The following SCAMP1 variants were observed in gnomAD, a reference collection of about 807,000 sequenced individuals.
SCAMP1 encodes secretory carrier membrane protein 1, also known as secretory carrier-associated membrane protein 1.
Under a neutral mutation model 41.8 loss-of-function variants are expected in SCAMP1, and 15 were observed. The ratio of observed to expected loss-of-function variants is 0.36; its 90% CI spans 0.24 to 0.55. The LOEUF (loss-of-function observed/expected upper bound fraction) is 0.55. Ranked by LOEUF, SCAMP1 falls within the 20% of genes least tolerant of loss-of-function variation. SCAMP1 has a pLI of 0.86. For missense variants in SCAMP1, 341 were observed against 412.6 expected, an observed-to-expected ratio of 0.83 and a Z score of 1.50; for synonymous variants, 135 against 136.8, an observed-to-expected ratio of 0.99 and a Z score of 0.09.
At chr5:78,471,077 G>A (rs1044747163) in intron 8 of SCAMP1, among the ~76,000 whole-genome samples, 1 of 152,104 alleles carries the variant, frequency 6.6e-6, no homozygotes. Flanking sequence ...GTCTTTTAGG[G>A]GGTGTAACAA....
chr5:78,402,673 G>A (rs1169513578), intron 2 of SCAMP1, among the ~76,000 whole-genome samples: 2 of 152,028 alleles, frequency 1.3e-5, no homozygotes, highest in Non-Finnish European at 2.9e-5. Flanking sequence ...TAATCCATAT[G>A]TTTATTTATA....
intron 2 of SCAMP1, among the ~76,000 whole-genome samples, chr5:78,391,724 A>G (rs1413782763): frequency 6.6e-6 from 1 of 152,224 alleles, no homozygotes; most frequent in African/African-American, 2.4e-5. Flanking sequence ...GCCATTGAGC[A>G]CTGAGTGAAC....
intron 8 of SCAMP1, among the ~76,000 whole-genome samples, chr5:78,470,352 C>G (rs1753857181): frequency 6.6e-6 from 1 of 152,108 alleles, no homozygotes; most frequent in Admixed American, 6.6e-5. Context: ...TATTCTCAGC[C>G]TCTGGCAGCC....
chr5:78,383,935 G>C (rs893533530), intron 1 of SCAMP1, among the ~76,000 whole-genome samples: 4 of 152,080 alleles, frequency 2.6e-5, no homozygotes, highest in Admixed American at 6.5e-5. Context: ...GGTTCCATAT[G>C]AATTTCAGGA....
intron 6 of SCAMP1, among the ~76,000 whole-genome samples, chr5:78,433,590 G>GAATGAATCTAAACATAA (rs1752674704): frequency 1.3e-5 from 2 of 152,148 alleles, no homozygotes; most frequent in African/African-American, 4.8e-5. Flanking sequence ...TTACTTTGGT[G>GAATGAATCTAAACATAA]TTACCTTATG....
At chr5:78,464,143 A>AT (rs61610232) in intron 8 of SCAMP1, among the ~76,000 whole-genome samples, 16 of 149,168 alleles carry the variant, frequency 1.1e-4, no homozygotes, top group Admixed American at 4.0e-4. Flanking sequence ...ACACTCAGCT[A>AT]TTTTTTTTTT....
At chr5:78,372,659 GTTC>G (rs1472262574) in intron 1 of SCAMP1, among the ~76,000 whole-genome samples, 2 of 152,148 alleles carry the variant, frequency 1.3e-5, no homozygotes, top group East Asian at 1.9e-4. Flanking sequence ...AATAAAAGGA[GTTC>G]TTCTTACTGT....
At chr5:78,438,584 T>C (rs1752827628) in intron 6 of SCAMP1, among the ~76,000 whole-genome samples, 1 of 152,208 alleles carries the variant, frequency 6.6e-6, no homozygotes, top group Non-Finnish European at 1.5e-5. Flanking sequence ...AGAGACAGTT[T>C]GTTGTGATTT....
intron 2 of SCAMP1, among the ~76,000 whole-genome samples, chr5:78,405,475 C>G (rs2112117942): frequency 6.6e-6 from 1 of 152,264 alleles, no homozygotes; most frequent in African/African-American, 2.4e-5. Context: ...TCCTTGAAGT[C>G]TTTGTTCAAA....
intron 1 of SCAMP1, among the ~76,000 whole-genome samples, chr5:78,380,261 C>T (rs1480523785): frequency 1.3e-5 from 2 of 152,172 alleles, no homozygotes; most frequent in African/African-American, 2.4e-5. Context: ...GTGATGCTTC[C>T]ATGTGGTTAC....
chr5:78,416,771 G>C (rs1447816791), intron 4 of SCAMP1, 122 bp downstream of exon 4: 14 of 662,104 alleles, frequency 2.1e-5, no homozygotes, highest in Non-Finnish European at 2.6e-6. Flanking sequence ...TTCTAACAAG[G>C]AGATCAGACA....
chr5:78,444,582 C>G (rs1227376995), intron 6 of SCAMP1, among the ~76,000 whole-genome samples: 1 of 152,120 alleles, frequency 6.6e-6, no homozygotes, highest in East Asian at 1.9e-4. Context: ...CAAATTCTAT[C>G]AGTTTCTTTT....
chr5:78,442,265 G>A (rs1479795246), intron 6 of SCAMP1, among the ~76,000 whole-genome samples: 1 of 152,118 alleles, frequency 6.6e-6, no homozygotes, highest in Non-Finnish European at 1.5e-5. Context: ...AAATGTTTGA[G>A]TTTTTTGTTT....
At chr5:78,376,005 T>C (rs1050835750) in intron 1 of SCAMP1, among the ~76,000 whole-genome samples, 2 of 152,166 alleles carry the variant, frequency 1.3e-5, no homozygotes, top group Non-Finnish European at 2.9e-5. Flanking sequence ...ACCTAATCAA[T>C]ATAAATGTTG....
intron 1 of SCAMP1, among the ~76,000 whole-genome samples, chr5:78,374,714 A>G (rs562102249): frequency 1.3e-5 from 2 of 152,220 alleles, no homozygotes; most frequent in African/African-American, 4.8e-5. Flanking sequence ...ACAGATGCCT[A>G]CTTAGGAGGT....
chr5:78,435,008 C>T (rs947661523), intron 6 of SCAMP1, among the ~76,000 whole-genome samples: 4 of 152,144 alleles, frequency 2.6e-5, no homozygotes, highest in Admixed American at 1.3e-4. Context: ...TATTCTAGAA[C>T]AGCAACAGTA....
chr5:78,370,953 T>A (rs1248743137), intron 1 of SCAMP1: 8 of 152,226 alleles, frequency 5.3e-5, no homozygotes, highest in Admixed American at 5.2e-4. Flanking sequence ...CATTTGCTTA[T>A]TGACATTTGC....
At chr5:78,381,644 A>G (rs1382325249) in intron 1 of SCAMP1, among the ~76,000 whole-genome samples, 1 of 152,206 alleles carries the variant, frequency 6.6e-6, no homozygotes, top group African/African-American at 2.4e-5. Context: ...TGGGAAAGTA[A>G]GTGGAGTGAT....
At chr5:78,400,307 C>G (rs1751766106) in intron 2 of SCAMP1, among the ~76,000 whole-genome samples, 1 of 152,192 alleles carries the variant, frequency 6.6e-6, no homozygotes, top group South Asian at 2.1e-4. Context: ...TGTCAATCTT[C>G]CAACTTTATT....
Sources: allele counts gnomAD v4.1 joint callset (sites outside exome capture counted in the v4.1 genomes callset), GRCh38; gene constraint gnomAD v4.1.1; transcripts MANE v1.5; gene names NCBI Gene and HGNC (gene_info 2026-07-23, HGNC 2026-07-21).